The following EFCAB7 variants were observed in gnomAD, a reference collection of about 807,000 sequenced individuals.
EFCAB7 encodes EF-hand calcium-binding domain-containing protein 7.
A neutral mutation model predicts 77.1 loss-of-function variants in EFCAB7; 66 were observed. That is an observed-to-expected ratio of 0.86 (90% CI 0.70 to 1.05). The LOEUF (loss-of-function observed/expected upper bound fraction) is 1.05, where lower values mean the gene tolerates loss of function less well. Among genes scored for constraint, EFCAB7 ranks in the 50% least tolerant of loss-of-function variants. The probability of loss-of-function intolerance (pLI) is 0.00; values close to 1 mark genes in which losing one functional copy is unlikely to be tolerated. For synonymous variants in EFCAB7, 225 were observed against 243.3 expected (o/e 0.92, Z 0.70); for missense variants, 638 against 730.5 (o/e 0.87, Z 1.46).
chr1:63,532,678 G>C lies in EFCAB7; in HGVS notation c.408G>C (p.Glu136Asp). The stretch of plus-strand genomic sequence containing the variant: ...TTGTTTTTTTTTTTCAGAGAGGTGA[G>C]AAGATGACTCGAGAAGAAGTAAATG... The part of the protein sequence containing the change: ...DLYKFLTKRG[E>D]KMTREEVNAI... Residue 136 changes from glutamate to aspartate, a missense_variant, in exon 4 of 14, where the codon GAG becomes GAC. Transcript: ENST00000371088. 1 of 1,592,910 alleles carries C rather than the reference G, an allele frequency of 6.3e-7. No individual in the cohort carries two copies. Among genetic ancestry groups the C allele is most frequent in the Non-Finnish European group, 8.5e-7 (1 of 1,172,932 alleles).
At chr1:63,583,356 A>C in the EFCAB7 span, among the ~76,000 whole-genome samples, 1 of 152,320 alleles carries the variant, frequency 6.6e-6, no homozygotes, top group African/African-American at 2.4e-5. Flanking sequence ...TTTTGGTTGT[A>C]CAACAAGAAG....
At chr1:63,557,361 A>T (rs1647044983) in intron 10 of EFCAB7, 114 bp downstream of exon 10, 3 of 1,027,182 alleles carry the variant, frequency 2.9e-6, no homozygotes, top group South Asian at 1.8e-5. Flanking sequence ...AGCATTTAGG[A>T]CAGTTTGAAA....
rs1647041996 is a variant in EFCAB7, at chr1:63,557,195, A to G, written c.1296A>G (p.Glu432=). ...GCCTTGAAGAATATAATTTTTTTGA[A>G]TTGAGAACAAGTGGTGAGAAATGTG... ...LLSLEEYNFF[E]LRTSGEKCDE... is the part of the protein sequence containing the mutation. The change falls in exon 10 of 14, where the codon GAA becomes GAG. Residue 432 remains glutamate (E), a synonymous_variant. Transcript: ENST00000371088. 2 of 1,610,524 alleles carry G rather than the reference A, an allele frequency of 1.2e-6. No homozygotes were observed.
At chr1:63,531,792 C>A in intron 2 of EFCAB7, 28 bp from the exon 3 acceptor site, 1 of 1,594,822 alleles carries the variant, frequency 6.3e-7, no homozygotes, top group Non-Finnish European at 8.5e-7. Flanking sequence ...GTGTTACAAT[C>A]ACAAATAATA....
At chr1:63,555,577 G>C (rs775356161) in intron 9 of EFCAB7, 62 bp downstream of exon 9, 15 of 1,440,532 alleles carry the variant, frequency 1.0e-5, no homozygotes, top group Non-Finnish European at 1.1e-5. Context: ...TTAATAGCCT[G>C]TGTTACTCCC....
intron 11 of EFCAB7, among the ~76,000 whole-genome samples, chr1:63,562,224 T>C (rs961911655): frequency 6.6e-6 from 1 of 151,774 alleles, no homozygotes; most frequent in Admixed American, 6.6e-5. Flanking sequence ...ATAAGGAGAC[T>C]GTGTCTGCAT....
intron 6 of EFCAB7, among the ~76,000 whole-genome samples, chr1:63,542,945 A>C (rs1424467041): frequency 1.3e-5 from 2 of 152,198 alleles, no homozygotes; most frequent in Non-Finnish European, 2.9e-5. Flanking sequence ...TTTGATGCAC[A>C]AAAGTTTTTA....
intron 12 of EFCAB7, 86 bp from the exon 13 acceptor site, chr1:63,570,935 A>T (rs924473713): frequency 1.4e-5 from 13 of 926,604 alleles, no homozygotes; most frequent in Non-Finnish European, 2.1e-5. Flanking sequence ...ATGTTAAAAC[A>T]GAATTTCAGG....
Position 63,568,317 on chromosome 1 carries a change from C to T in EFCAB7, c.1505C>T (p.Pro502Leu). Residue 502 changes from proline (P) to leucine (L), a missense_variant, in exon 12 of 14, where the codon CCA becomes CTA. Transcript: ENST00000371088. The part of the protein sequence containing the change: ...NKALELTEAC[P>L]FVIDIYAEKC... Reference sequence around the variant, plus strand: ...ATTTTTTTTTCCTATCAGGCATGTCCATTTGTCATTGATATCTATGCAGAA... The same window carrying T: ...ATTTTTTTTTCCTATCAGGCATGTCTATTTGTCATTGATATCTATGCAGAA... 1.2e-6 allele frequency: 2 copies of T among 1,601,000 alleles called. No homozygotes were observed. The highest frequency in any genetic ancestry group is 1.7e-6 in the Non-Finnish European group (2 of 1,175,624).
At chr1:63,546,285 CTT>C (rs1646897369) in intron 7 of EFCAB7, among the ~76,000 whole-genome samples, 2 of 151,974 alleles carry the variant, frequency 1.3e-5, no homozygotes, top group East Asian at 3.9e-4. Flanking sequence ...AAAATAAGAA[CTT>C]TTTCCAAACT....
intron 1 of EFCAB7, among the ~76,000 whole-genome samples, chr1:63,523,836 T>A (rs760433814): frequency 9.2e-5 from 14 of 152,234 alleles, no homozygotes; most frequent in Non-Finnish European, 1.8e-4. Context: ...TGTGACGGTA[T>A]TTCACTGTGT....
intron 8 of EFCAB7, among the ~76,000 whole-genome samples, chr1:63,553,105 T>G (rs1447013155): frequency 6.6e-6 from 1 of 152,244 alleles, no homozygotes; most frequent in Non-Finnish European, 1.5e-5. Context: ...GATTTTTTAT[T>G]TGTATTTATA....
intron 11 of EFCAB7, among the ~76,000 whole-genome samples, chr1:63,565,991 A>T (rs771706453): frequency 6.6e-6 from 1 of 152,204 alleles, no homozygotes; most frequent in Non-Finnish European, 1.5e-5. Context: ...CAGCAATCCT[A>T]TTACTGGATA....
chr1:63,568,365 C>T lies in EFCAB7; in HGVS notation c.1553C>T (p.Ala518Val), dbSNP rs937130436. Residue 518 changes from alanine to valine, a missense_variant, in exon 12 of 14, where the codon GCT becomes GTT. By Grantham distance (64) the Ala-to-Val change is moderately conservative. Transcript: ENST00000371088. ...YAEKCKPKIK[A>V]VHMEACSGQL... is the part of the protein sequence containing the mutation. ...GAAAAATGCAAGCCAAAAATTAAAG[C>T]TGTCCATATGGAGGCATGTAGTGGA... The T allele has an allele frequency of 6.3e-7, 1 of 1,599,802 alleles. No homozygotes were observed. Among genetic ancestry groups the T allele is most frequent in the Non-Finnish European group, 8.5e-7 (1 of 1,175,224 alleles).
downstream of EFCAB7, chr1:63,572,706 C>T: frequency 4.3e-6 from 4 of 927,054 alleles, no homozygotes; most frequent in Non-Finnish European, 2.7e-6. Flanking sequence ...GTGTGGTGTT[C>T]TTATTTAGTA....
At chr1:63,529,691 C>T (rs927346893) in intron 2 of EFCAB7, 2 of 151,608 alleles carry the variant, frequency 1.3e-5, no homozygotes, top group African/African-American at 4.8e-5. Context: ...CCAGCCTGGG[C>T]AACAAGAGCC....
chr1:63,584,893 C>A, the EFCAB7 span, among the ~76,000 whole-genome samples: 11 of 152,238 alleles, frequency 7.2e-5, no homozygotes, highest in African/African-American at 2.6e-4. Context: ...GCATTCATAA[C>A]CCCCATATTA....
Position 63,531,899 on chromosome 1 carries a change from T to G in EFCAB7, c.267T>G (p.Phe89Leu). 1 of 1,613,332 alleles carries G rather than the reference T, an allele frequency of 6.2e-7. No homozygotes were observed. Among genetic ancestry groups the G allele is most frequent in the African/African-American group, 1.3e-5 (1 of 75,014 alleles). Residue 89 changes from phenylalanine to leucine, a missense_variant, in exon 3 of 14, where the codon TTT becomes TTG. Phe to Leu is a conservative substitution (Grantham distance 22). Coordinates refer to ENST00000371088, the MANE Select transcript of EFCAB7 (RefSeq NM_032437.4). Reference protein sequence around the residue: ...YWTPQTAKLNFDDFCIILRKE... With the variant: ...YWTPQTAKLNLDDFCIILRKE... ...CTCCTCAAACTGCCAAACTGAATTTTGATGATTTTTGTATAATTTTAAGGA... is the reference window on the plus strand; with the variant it reads ...CTCCTCAAACTGCCAAACTGAATTTGGATGATTTTTGTATAATTTTAAGGA...
the EFCAB7 span, among the ~76,000 whole-genome samples, chr1:63,583,799 A>G: frequency 6.6e-6 from 1 of 152,194 alleles, no homozygotes; most frequent in African/African-American, 2.4e-5. Flanking sequence ...ACCATTGATT[A>G]TGCTACAGAA....
Sources: allele counts gnomAD v4.1 joint callset (sites outside exome capture counted in the v4.1 genomes callset), GRCh38; gene constraint gnomAD v4.1.1; transcripts MANE v1.5; gene names NCBI Gene and HGNC (gene_info 2026-07-23, HGNC 2026-07-21).